The following ARHGAP21 variants were observed in gnomAD, a reference collection of about 807,000 sequenced individuals.
The protein encoded by ARHGAP21 is rho GTPase-activating protein 21.
Under a neutral mutation model 164.6 loss-of-function variants are expected in ARHGAP21, and 38 were observed. That is an observed-to-expected ratio of 0.23 (90% CI 0.18 to 0.30). The LOEUF (loss-of-function observed/expected upper bound fraction) is 0.30, where lower values mean the gene tolerates loss of function less well. Among genes scored for constraint, ARHGAP21 ranks in the 10% least tolerant of loss-of-function variants. The probability of loss-of-function intolerance (pLI) is 1.00; values close to 1 mark genes in which losing one functional copy is unlikely to be tolerated. For synonymous variants in ARHGAP21, 766 were observed against 857.9 expected (o/e 0.89, Z 1.87); for missense variants, 1,822 against 2,370.7 (o/e 0.77, Z 4.81).
chr10:24,707,293 G>A (rs531499714), intron 2 of ARHGAP21, among the ~76,000 whole-genome samples: 4 of 152,280 alleles, frequency 2.6e-5, no homozygotes, highest in South Asian at 2.1e-4. Context: ...ATACCTTCAC[G>A]AGGTTTAATC....
At chr10:24,599,174 A>G (rs1248864337) in intron 14 of ARHGAP21, among the ~76,000 whole-genome samples, 1 of 152,228 alleles carries the variant, frequency 6.6e-6, no homozygotes, top group Non-Finnish European at 1.5e-5. Context: ...TCAATCCTCC[A>G]AACAGCCACT....
At chr10:24,631,871 G>A (rs1201876859) in intron 6 of ARHGAP21, among the ~76,000 whole-genome samples, 1 of 152,100 alleles carries the variant, frequency 6.6e-6, no homozygotes, top group African/African-American at 2.4e-5. Context: ...TGGGACAACA[G>A]ACACACACCA....
intron 7 of ARHGAP21, 135 bp from the exon 8 acceptor site, chr10:24,622,897 A>G (rs1433978256): frequency 1.3e-6 from 1 of 750,506 alleles, no homozygotes; most frequent in Non-Finnish European, 2.1e-6. Flanking sequence ...CAAGAGAGGT[A>G]AAGGGCAGTG....
At chr10:24,635,661 C>T (rs763241592) in intron 4 of ARHGAP21, among the ~76,000 whole-genome samples, 1 of 152,176 alleles carries the variant, frequency 6.6e-6, no homozygotes, top group Non-Finnish European at 1.5e-5. Flanking sequence ...ATTCTCCTGC[C>T]TCAGCCTCCT....
chr10:24,659,423 C>A (rs1198766328), intron 4 of ARHGAP21, among the ~76,000 whole-genome samples: 1 of 152,198 alleles, frequency 6.6e-6, no homozygotes, highest in Non-Finnish European at 1.5e-5. Context: ...TCAAGCGATT[C>A]TCCTGCCTCA....
chr10:24,607,008 A>G (rs1350895482), intron 11 of ARHGAP21, among the ~76,000 whole-genome samples: 1 of 152,226 alleles, frequency 6.6e-6, no homozygotes, highest in African/African-American at 2.4e-5. Context: ...ATTAATATAG[A>G]GTATTGGTTA....
At chr10:24,719,627 T>C (rs1845735518) in intron 2 of ARHGAP21, among the ~76,000 whole-genome samples, 1 of 152,212 alleles carries the variant, frequency 6.6e-6, no homozygotes, top group Non-Finnish European at 1.5e-5. Flanking sequence ...TCCAAACACA[T>C]TATTGATTTT....
intron 2 of ARHGAP21, among the ~76,000 whole-genome samples, chr10:24,698,728 T>G (rs747982527): frequency 1.1e-4 from 17 of 152,232 alleles, no homozygotes; most frequent in Non-Finnish European, 2.4e-4. Context: ...GGCTTGCTAT[T>G]AACCATCAAT....
chr10:24,616,377 G>A (rs1332638625), intron 9 of ARHGAP21, among the ~76,000 whole-genome samples: 1 of 152,176 alleles, frequency 6.6e-6, no homozygotes, highest in Non-Finnish European at 1.5e-5. Context: ...AGCTCCCAAA[G>A]GGAGAAACTG....
At chr10:24,700,115 G>C (rs1843524763) in intron 2 of ARHGAP21, among the ~76,000 whole-genome samples, 1 of 152,120 alleles carries the variant, frequency 6.6e-6, no homozygotes, top group African/African-American at 2.4e-5. Flanking sequence ...TGGTTAATAG[G>C]CCTCTGTCCT....
intron 4 of ARHGAP21, among the ~76,000 whole-genome samples, chr10:24,641,638 A>C (rs982033977): frequency 1.3e-5 from 2 of 152,244 alleles, no homozygotes; most frequent in Admixed American, 1.3e-4. Context: ...AATATAAAAA[A>C]GCAAACCATG....
At position 24,646,516 on chromosome 10, in the gene ARHGAP21, T is replaced by G. The variant is rs117497447; in HGVS notation, c.269-11413A>C. Among the ~76,000 whole-genome samples the G allele has an allele frequency of 1.6e-3, 241 of 152,270 alleles. 6 individuals carry two copies. In the East Asian group the frequency reaches 0.04, roughly 25 times the overall value. On this transcript the variant is annotated intron_variant, in intron 4 of 25. Transcript: ENST00000396432. ...AGTCAAGCACAGTGGTGCAAGCCTGTGGTCCCAGCTATTCCAGAGGCTGAG... is the reference window on the plus strand; with the variant it reads ...AGTCAAGCACAGTGGTGCAAGCCTGGGGTCCCAGCTATTCCAGAGGCTGAG...
intron 2 of ARHGAP21, among the ~76,000 whole-genome samples, chr10:24,693,066 G>A (rs1439718571): frequency 6.6e-6 from 1 of 152,110 alleles, no homozygotes; most frequent in Non-Finnish European, 1.5e-5. Flanking sequence ...AGTCTGGAGA[G>A]GGATGATCTT....
chr10:24,588,909 A>G (rs1382994049), intron 25 of ARHGAP21, among the ~76,000 whole-genome samples: 1 of 152,214 alleles, frequency 6.6e-6, no homozygotes, highest in Non-Finnish European at 1.5e-5. Context: ...TGGCGTACAG[A>G]GCAAACGGAG....
chr10:24,628,599 T>G (rs924663104), intron 7 of ARHGAP21, among the ~76,000 whole-genome samples: 1 of 152,036 alleles, frequency 6.6e-6, no homozygotes. Flanking sequence ...AAAACCCAAT[T>G]GTTTACCAAA....
At chr10:24,604,449 C>T in intron 11 of ARHGAP21, 101 bp from the exon 12 acceptor site, 2 of 746,752 alleles carry the variant, frequency 2.7e-6, no homozygotes, top group Non-Finnish European at 4.2e-6. Context: ...CAATAATAAT[C>T]TGACATTTCA....
At chr10:24,656,356 C>A (rs866411839) in intron 4 of ARHGAP21, among the ~76,000 whole-genome samples, 1 of 107,214 alleles carries the variant, frequency 9.3e-6, no homozygotes, top group East Asian at 3.3e-4. Flanking sequence ...GTCAGCCCCC[C>A]CACCCGGCCA....
intron 8 of ARHGAP21, 111 bp downstream of exon 8, chr10:24,622,622 T>C: frequency 8.9e-7 from 1 of 1,127,410 alleles, no homozygotes; most frequent in South Asian, 1.6e-5. Context: ...ATTAACACGA[T>C]AGAGGGATTT....
rs140031331 is a variant in ARHGAP21 at position 24,584,675 on chromosome 10, C to G, written c.5614G>C (p.Asp1872His). The change falls in exon 26 of 26, where the codon GAT becomes CAT. Residue 1872 changes from aspartate to histidine, a missense_variant. Asp to His is a moderately conservative substitution (Grantham distance 81). Coordinates refer to ENST00000396432, the MANE Select transcript of ARHGAP21 (RefSeq NM_020824.4). The stretch of plus-strand genomic sequence containing the variant: ...GTGCTTGGGTTCTCTGTCTGGGGAT[C>G]TCCGATTTCTCCTCTGCTAAGGTCA... Reference protein sequence around the residue: ...TSDLSRGEIGDPQTENPSTRE... With the variant: ...TSDLSRGEIGHPQTENPSTRE... The G allele has an allele frequency of 6.2e-7, 1 of 1,613,932 alleles. No individual in the cohort carries two copies. Among genetic ancestry groups the G allele is most frequent in the Admixed American group, 1.7e-5 (1 of 60,016 alleles).
Sources: gnomAD v4.1 joint callset for allele counts (sites outside exome capture counted in the v4.1 genomes callset) on GRCh38, gnomAD v4.1.1 for gene constraint, MANE v1.5 for transcripts, NCBI Gene and HGNC (gene_info 2026-07-23, HGNC 2026-07-21) for gene names.